The following BAIAP3 variants were observed in gnomAD, a reference collection of about 807,000 sequenced individuals.
The protein encoded by BAIAP3 is BAI1 associated protein 3.
A neutral mutation model predicts 149.7 loss-of-function variants in BAIAP3; 180 were observed. That is an observed-to-expected ratio of 1.20 (90% CI 1.07 to 1.36). BAIAP3 has a LOEUF of 1.36. Ranked by LOEUF, BAIAP3 falls within the 40% of genes most tolerant of loss-of-function variation. BAIAP3 has a pLI of 0.00. For synonymous variants in BAIAP3, 845 were observed against 670.7 expected, an observed-to-expected ratio of 1.26 and a Z score of -4.02; for missense variants, 1,767 against 1,563.4, an observed-to-expected ratio of 1.13 and a Z score of -2.20.
In BAIAP3 at chr16:1,345,990, T is replaced by C. The variant is rs768443365; in HGVS notation, c.2213T>C (p.Val738Ala). Reference sequence around the variant, plus strand: ...CCACCGCCATCCCCTCCTCAGGACGTGTGTGAGGCCACCCTCTTCTATACG... The same window carrying C: ...CCACCGCCATCCCCTCCTCAGGACGCGTGTGAGGCCACCCTCTTCTATACG... ...QGLGTQLGQD[V>A]CEATLFYTEL... The change falls in exon 24 of 34, where the codon GTG becomes GCG. Residue 738 changes from valine to alanine, a missense_variant. Val to Ala is a moderately conservative substitution (Grantham distance 64). Coordinates refer to ENST00000426824, the MANE Select transcript of BAIAP3 (RefSeq NM_001199097.2). 1.7e-5 allele frequency: 27 copies of C among 1,606,572 alleles called. No individual in the cohort carries two copies. Among genetic ancestry groups the C allele is most frequent in the African/African-American group, 5.3e-5 (4 of 74,770 alleles).
intron 1 of BAIAP3, among the ~76,000 whole-genome samples, chr16:1,337,610 G>T (rs1460628670): frequency 6.6e-6 from 1 of 152,218 alleles, no homozygotes; most frequent in Non-Finnish European, 1.5e-5. Context: ...TTCCGGGTCT[G>T]CCTGGGCCCA....
chr16:1,345,133 CT>C, intron 21 of BAIAP3, 34 bp downstream of exon 21: 2 of 1,612,048 alleles, frequency 1.2e-6, no homozygotes, highest in Non-Finnish European at 1.7e-6. Context: ...TGCAGACAGA[CT>C]TTGGGACCAG....
chr16:1,343,945 G>A, intron 15 of BAIAP3, 77 bp from the exon 16 acceptor site: 1 of 1,584,486 alleles, frequency 6.3e-7, no homozygotes, highest in Non-Finnish European at 8.6e-7. Flanking sequence ...GGGTGTTGCG[G>A]GCCAAGGCAG....
chr16:1,343,252 G>A, intron 14 of BAIAP3, 141 bp from the exon 15 acceptor site: 2 of 1,317,322 alleles, frequency 1.5e-6, no homozygotes, highest in South Asian at 1.4e-5. Flanking sequence ...TAATTGGAGG[G>A]CAGGGAAAGG....
chr16:1,339,790 ACACAGGC>A (rs2033737863), intron 5 of BAIAP3, among the ~76,000 whole-genome samples, 187 bp downstream of exon 5: 1 of 147,918 alleles, frequency 6.8e-6, no homozygotes, highest in African/African-American at 2.6e-5. Flanking sequence ...AGACACACGC[ACACAGGC>A]TGCAGGTGCA....
intron 4 of BAIAP3, 74 bp from the exon 5 acceptor site, chr16:1,339,422 A>G: frequency 6.6e-7 from 1 of 1,509,696 alleles, no homozygotes; most frequent in South Asian, 1.2e-5. Flanking sequence ...GCCTGGGCTC[A>G]GGCAGACAGG....
intron 1 of BAIAP3, among the ~76,000 whole-genome samples, chr16:1,335,450 C>A (rs11648169): frequency 6.7e-6 from 1 of 149,046 alleles, no homozygotes. Flanking sequence ...ACGTCTGGGC[C>A]CACGGGAAAG....
At chr16:1,343,183 G>T in intron 14 of BAIAP3, 167 bp downstream of exon 14, 1 of 1,046,558 alleles carries the variant, frequency 9.6e-7, no homozygotes, top group South Asian at 1.5e-5. Flanking sequence ...GGAAGGGGGC[G>T]GTGCTACGGG....
At chr16:1,340,811 G>C in intron 5 of BAIAP3, 111 bp from the exon 6 acceptor site, 1 of 1,186,082 alleles carries the variant, frequency 8.4e-7, no homozygotes, top group East Asian at 2.6e-5. Context: ...CCCTGCACCC[G>C]TGAGGACTGA....
intron 20 of BAIAP3, 55 bp downstream of exon 20, chr16:1,344,904 G>T (rs2034206287): frequency 6.2e-7 from 1 of 1,613,542 alleles, no homozygotes; most frequent in African/African-American, 1.3e-5. Context: ...GTGGGCAGAT[G>T]CCCTTGGCTA....
Position 1,344,634 on chromosome 16 carries a change from C to A in BAIAP3, c.1693C>A (p.Leu565Met), listed in dbSNP as rs367689687. Residue 565 changes from leucine (L) to methionine (M), a missense_variant, in exon 19 of 34, where the codon CTG becomes ATG. Coordinates refer to ENST00000426824, the MANE Select transcript of BAIAP3 (RefSeq NM_001199097.2). ...GPQRLPGLVVLADAVYDDLQF... is the reference protein window; with the variant it reads ...GPQRLPGLVVMADAVYDDLQF... ...ACAGCGCCTGCCTGGGCTGGTTGTGCTGGCTGACGCCGTCTATGATGACCT... is the reference window on the plus strand; with the variant it reads ...ACAGCGCCTGCCTGGGCTGGTTGTGATGGCTGACGCCGTCTATGATGACCT... 1.9e-6 allele frequency: 3 copies of A among 1,613,294 alleles called. No individual in the cohort carries two copies. Among genetic ancestry groups the A allele is most frequent in the African/African-American group, 1.3e-5 (1 of 74,942 alleles).
In BAIAP3 at chr16:1,345,322, C is replaced by T; in HGVS notation, c.2014C>T (p.Leu672=). The T allele has an allele frequency of 6.2e-7, 1 of 1,613,106 alleles. No homozygotes were observed. Among genetic ancestry groups the T allele is most frequent in the Non-Finnish European group, 8.5e-7 (1 of 1,179,922 alleles). The change falls in exon 22 of 34, where the codon CTG becomes TTG. Residue 672 remains leucine (L), a synonymous_variant. Coordinates refer to ENST00000426824, the MANE Select transcript of BAIAP3 (RefSeq NM_001199097.2). ...LPAVKLWFQV[L]RDQAKWRLQG... ...TGCTGTGAAGCTCTGGTTCCAAGTG[C>T]TGAGGGACCAGGCCAAGTGGAGGCT... is the stretch of plus-strand genomic sequence containing the variant.
At chr16:1,344,407 T>G in intron 17 of BAIAP3, 62 bp from the exon 18 acceptor site, 2 of 1,611,118 alleles carry the variant, frequency 1.2e-6, no homozygotes, top group Non-Finnish European at 1.7e-6. Flanking sequence ...CACCACGGTC[T>G]CTTGCCCACC....
intron 2 of BAIAP3, 39 bp downstream of exon 2, chr16:1,338,719 C>T: frequency 1.3e-6 from 2 of 1,558,484 alleles, no homozygotes; most frequent in Non-Finnish European, 1.7e-6. Flanking sequence ...GCCCACAGGG[C>T]CATTTCCCGC....
At chr16:1,347,458 A>G (rs565365092) in intron 29 of BAIAP3, 87 bp from the exon 30 acceptor site, 1 of 1,584,550 alleles carries the variant, frequency 6.3e-7, no homozygotes. Flanking sequence ...CTTGAGCATG[A>G]GGTGGCCCCA....
At chr16:1,347,090 C>T in intron 28 of BAIAP3, 135 bp downstream of exon 28, 2 of 934,086 alleles carry the variant, frequency 2.1e-6, no homozygotes, top group African/African-American at 1.7e-5. Flanking sequence ...ACAGCGCCTC[C>T]TCCCGTTAAT....
intron 8 of BAIAP3, 100 bp from the exon 9 acceptor site, chr16:1,341,722 G>C (rs2033938827): frequency 7.5e-7 from 1 of 1,337,698 alleles, no homozygotes; most frequent in Admixed American, 2.1e-5. Context: ...CTGGAGAGCG[G>C]GTGCTTGTGG....
rs780015435 is a variant in BAIAP3, at chr16:1,346,244, A to C, written c.2376A>C (p.Pro792=). 6.2e-7 allele frequency: 1 copy of C among 1,611,708 alleles called. No individual in the cohort carries two copies. Among genetic ancestry groups the C allele is most frequent in the Non-Finnish European group, 8.5e-7 (1 of 1,179,372 alleles). The change falls in exon 25 of 34, where the codon CCA becomes CCC. Residue 792 remains proline (P), a synonymous_variant. Transcript: ENST00000426824. ...AGGCCTTGAAGGGCCTGGCATGGCC[A>C]GAGGGGGCCACGGGGCCCGAGGGGG... The part of the protein sequence containing the change: ...AGQALKGLAW[P]EGATGPEGVL...
chr16:1,342,373 G>A, intron 11 of BAIAP3, 90 bp downstream of exon 11: 2 of 1,464,676 alleles, frequency 1.4e-6, no homozygotes, highest in Non-Finnish European at 1.9e-6. Context: ...GCCTGGAGAA[G>A]CTCCTGCTTT....
Sources: allele counts gnomAD v4.1 joint callset (sites outside exome capture counted in the v4.1 genomes callset), GRCh38; gene constraint gnomAD v4.1.1; transcripts MANE v1.5; gene names NCBI Gene and HGNC (gene_info 2026-07-23, HGNC 2026-07-21).